The following MMUT variants were observed in gnomAD, a reference collection of about 807,000 sequenced individuals.
MMUT encodes the protein methylmalonyl-CoA mutase, also known as methylmalonyl-CoA mutase, mitochondrial.
In MMUT, 79 loss-of-function variants were observed where a neutral mutation model predicts 79.9. The ratio of observed to expected loss-of-function variants is 0.99; its 90% CI spans 0.82 to 1.19. MMUT has a LOEUF of 1.19. Among genes scored for constraint, MMUT ranks in the 50% most tolerant of loss-of-function variants. The pLI is 0.00. For missense variants in MMUT, 860 were observed against 917.2 expected, an observed-to-expected ratio of 0.94 and a Z score of 0.81; for synonymous variants, 273 against 295.7, an observed-to-expected ratio of 0.92 and a Z score of 0.79.
Position 49,444,668 on chromosome 6 carries a change from C to T in MMUT, c.1647G>A (p.Leu549=), listed in dbSNP as rs745828854. Residue 549 remains leucine, a synonymous_variant, in exon 9 of 13, where the codon CTG becomes CTA. Transcript: ENST00000274813. ...ECAASGDGNI[L]ALAVDASRAR... is the part of the protein sequence containing the mutation. ...CCCGAGATGCATCCACTGCAAGAGC[C>T]AGGATATTTCCATCTCCGCTAGCAG... 2.5e-6 allele frequency: 4 copies of T among 1,613,326 alleles called. No individual in the cohort carries two copies. The South Asian group carries it at 4.4e-5, about 18-fold the overall frequency.
intron 11 of MMUT, among the ~76,000 whole-genome samples, chr6:49,438,464 C>T (rs1767190019): frequency 6.6e-6 from 1 of 152,102 alleles, no homozygotes; most frequent in Non-Finnish European, 1.5e-5. Flanking sequence ...AAATATTAGT[C>T]AAATCTCAAT....
chr6:49,440,754 C>G (rs1303313477), intron 10 of MMUT, among the ~76,000 whole-genome samples: 1 of 152,188 alleles, frequency 6.6e-6, no homozygotes, highest in Non-Finnish European at 1.5e-5. Context: ...GCACATAACA[C>G]TGAGAACATC....
chr6:49,430,550 C>T lies in MMUT; in HGVS notation c.*1178G>A, dbSNP rs1359330125. On this transcript the variant is annotated 3_prime_UTR_variant, in exon 13 of 13. Coordinates refer to ENST00000274813, the MANE Select transcript of MMUT (RefSeq NM_000255.4). ...AATGGGAACAATAATCATGACAATACCATTCAGATAATCATATTCTGAAAA... is the reference window on the plus strand; with the variant it reads ...AATGGGAACAATAATCATGACAATATCATTCAGATAATCATATTCTGAAAA... The T allele has an allele frequency of 1.3e-5, 2 of 152,050 alleles. No homozygotes were observed. The highest frequency in any genetic ancestry group is 2.9e-5 in the Non-Finnish European group (2 of 68,008). 9.4% of individuals were successfully genotyped at this position (152,050 alleles called of 1,614,324 possible).
At chr6:49,449,054 A>G (rs759054231) in intron 6 of MMUT, 127 bp from the exon 7 acceptor site, 6 of 528,592 alleles carry the variant, frequency 1.1e-5, no homozygotes, top group East Asian at 6.7e-5. Flanking sequence ...TTAATGTTTC[A>G]TAAGAACAGA....
At chr6:49,435,991 G>C (rs1326858089) in intron 11 of MMUT, among the ~76,000 whole-genome samples, 1 of 152,102 alleles carries the variant, frequency 6.6e-6, no homozygotes, top group Non-Finnish European at 1.5e-5. Flanking sequence ...TTCCAAAAAA[G>C]ACATACATGT....
chr6:49,458,973 A>G (rs1767762844), intron 2 of MMUT, 109 bp downstream of exon 2: 1 of 1,147,436 alleles, frequency 8.7e-7, no homozygotes, highest in Non-Finnish European at 1.2e-6. Context: ...GTCTTTAACT[A>G]CAAAATTATA....
intron 12 of MMUT, among the ~76,000 whole-genome samples, chr6:49,432,146 C>A (rs956658177): frequency 1.3e-5 from 2 of 152,104 alleles, no homozygotes; most frequent in African/African-American, 4.8e-5. Context: ...AACTTCTGAG[C>A]CTTAAGCCAT....
intron 12 of MMUT, among the ~76,000 whole-genome samples, chr6:49,432,225 T>C (rs1309827396): frequency 6.6e-6 from 1 of 152,154 alleles, no homozygotes; most frequent in African/African-American, 2.4e-5. Flanking sequence ...TGTGATAAGT[T>C]TGAGCCTAAA....
chr6:49,459,839 ACT>A (rs1183907003), intron 1 of MMUT, among the ~76,000 whole-genome samples: 1 of 152,046 alleles, frequency 6.6e-6, no homozygotes, highest in Non-Finnish European at 1.5e-5. Context: ...TTTTTCAAAG[ACT>A]CTGTATCATG....
Position 49,440,214 on chromosome 6 carries a change from GA to G in MMUT, c.1947del (p.Leu650PhefsTer22), listed in dbSNP as rs1767235514. ...ADLGFDVDIG[P>X]LFQTPREVAQ... ...CCAACAGTTTTTAGTACCTGGAAAAGAGGGCCTATGTCCACATCAAAACCAA... is the reference window on the plus strand; with the variant it reads ...CCAACAGTTTTTAGTACCTGGAAAAGGGGCCTATGTCCACATCAAAACCAA... On this transcript the variant is annotated frameshift_variant, in exon 11 of 13. Coordinates refer to ENST00000274813, the MANE Select transcript of MMUT (RefSeq NM_000255.4). LOFTEE classifies it high-confidence loss of function. 12 of 1,613,894 alleles carry G rather than the reference GA, an allele frequency of 7.4e-6. No homozygotes were observed. Among genetic ancestry groups the G allele is most frequent in the Non-Finnish European group, 1.0e-5 (12 of 1,179,952 alleles).
intron 12 of MMUT, among the ~76,000 whole-genome samples, chr6:49,432,388 G>GTTTA (rs1187586366): frequency 6.7e-6 from 1 of 150,282 alleles, no homozygotes; most frequent in Non-Finnish European, 1.5e-5. Flanking sequence ...TATTTGTTTT[G>GTTTA]TTTATTTATT....
intron 4 of MMUT, among the ~76,000 whole-genome samples, chr6:49,454,410 C>T (rs1180642890): frequency 6.6e-6 from 1 of 152,184 alleles, no homozygotes; most frequent in Admixed American, 6.5e-5. Context: ...CAGGTTCAAG[C>T]GATTCTTGTG....
At chr6:49,432,591 G>A (rs1283303223) in intron 12 of MMUT, among the ~76,000 whole-genome samples, 2 of 152,084 alleles carry the variant, frequency 1.3e-5, no homozygotes, top group African/African-American at 2.4e-5. Flanking sequence ...GTTTCACCAC[G>A]TTAGCCAGGA....
In MMUT at chr6:49,431,817, A is replaced by G. The variant is rs1256786205; in HGVS notation, c.2164T>C (p.Phe722Leu). 3.1e-6 allele frequency: 5 copies of G among 1,613,908 alleles called. No homozygotes were observed. In the South Asian group the frequency reaches 5.5e-5, roughly 18 times the overall value. ...FLFEVGVSNV[F>L]GPGTRIPKAA... is the part of the protein sequence containing the mutation. ...TTTGGAATTCGAGTCCCAGGACCAAATACATTGGAAACACCAACTTCAAAC... is the reference window on the plus strand; with the variant it reads ...TTTGGAATTCGAGTCCCAGGACCAAGTACATTGGAAACACCAACTTCAAAC... The change falls in exon 13 of 13, where the codon TTT (phenylalanine) becomes CTT (leucine). Residue 722 changes from phenylalanine to leucine, a missense_variant. By Grantham distance (22) the Phe-to-Leu change is conservative (BLOSUM62 0). Transcript: ENST00000274813.
intron 1 of MMUT, among the ~76,000 whole-genome samples, chr6:49,462,237 G>C (rs1767869994): frequency 1.3e-5 from 2 of 152,150 alleles, no homozygotes; most frequent in African/African-American, 4.8e-5. Flanking sequence ...CAACTAAAAT[G>C]AGTTAAAGAG....
At position 49,453,569 on chromosome 6, in the gene MMUT, T is replaced by C; in HGVS notation, c.1083+16A>G. 6.7e-7 allele frequency: 1 copy of C among 1,485,184 alleles called. No individual in the cohort carries two copies. The highest frequency in any genetic ancestry group is 9.1e-7 in the Non-Finnish European group (1 of 1,092,900). 92.0% of individuals were successfully genotyped at this position (1,485,184 alleles called of 1,614,324 possible). ...ATAACTTTATTAAAATTCTACATTTTAAATTATATACATACCTGCTCAGTA... is the reference window on the plus strand; with the variant it reads ...ATAACTTTATTAAAATTCTACATTTCAAATTATATACATACCTGCTCAGTA... On this transcript the variant is annotated intron_variant, in intron 5 of 12. Coordinates refer to ENST00000274813, the MANE Select transcript of MMUT (RefSeq NM_000255.4).
chr6:49,457,616 T>A lies in MMUT; in HGVS notation c.753+75A>T, dbSNP rs965942737. On this transcript the variant is annotated intron_variant, in intron 3 of 12. Coordinates refer to ENST00000274813, the MANE Select transcript of MMUT (RefSeq NM_000255.4). The stretch of plus-strand genomic sequence containing the variant: ...ATATTACTCAGACTAAATTTTTAAA[T>A]TCAGTTATAGCATGTTGTAAAAATT... 3.9e-6 allele frequency: 5 copies of A among 1,296,842 alleles called. No individual in the cohort carries two copies. The African/African-American group carries it at 7.5e-5, about 19-fold the overall frequency. The allele number at this position is 1,296,842 out of a possible 1,614,324, so 80.3% of individuals were successfully genotyped here. A position where few individuals can be genotyped will look rare whatever the true frequency, so the allele number is the denominator to read the frequency against.
At chr6:49,447,839 G>T (rs1290589164) in intron 7 of MMUT, 54 bp from the exon 8 acceptor site, 3 of 970,086 alleles carry the variant, frequency 3.1e-6, no homozygotes, top group Non-Finnish European at 5.0e-6. Flanking sequence ...TAATTGTAAT[G>T]CTCTGGTTAT....
At chr6:49,444,951 C>T (rs772819944) in intron 8 of MMUT, among the ~76,000 whole-genome samples, 197 bp from the exon 9 acceptor site, 61 of 152,094 alleles carry the variant, frequency 4.0e-4, no homozygotes, top group Middle Eastern at 3.4e-3. Context: ...CTCAGGATTT[C>T]CTAAAATAAT....
Sources: gnomAD v4.1 joint callset for allele counts (sites outside exome capture counted in the v4.1 genomes callset) on GRCh38, gnomAD v4.1.1 for gene constraint, MANE v1.5 for transcripts, NCBI Gene and HGNC (gene_info 2026-07-23, HGNC 2026-07-21) for gene names.